RYR3: variants seen among roughly 807,000 people sequenced by gnomAD.
RYR3 encodes the protein ryanodine receptor 3.
A neutral mutation model predicts 584.3 loss-of-function variants in RYR3; 207 were observed. That is an observed-to-expected ratio of 0.35 (90% CI 0.32 to 0.40). RYR3 has a LOEUF of 0.40. Ranked by LOEUF, RYR3 falls within the 10% of genes least tolerant of loss-of-function variation. The probability of loss-of-function intolerance (pLI) is 1.00; values close to 1 mark genes in which losing one functional copy is unlikely to be tolerated. For synonymous variants in RYR3, 2,416 were observed against 2,248.5 expected (o/e 1.07, Z -2.11); for missense variants, 5,616 against 6,089.2 (o/e 0.92, Z 2.59).
rs2074976791 is a variant in RYR3 at position 33,789,627 on chromosome 15, TATATA to T, written c.9830+1170_9830+1174del. Among the ~76,000 whole-genome samples the T allele has an allele frequency of 3.5e-3, 32 of 9,248 alleles. 1 individual carries two copies. The highest frequency in any genetic ancestry group is 9.5e-3 in the African/African-American group (30 of 3,152). The allele number at this position is 9,248 out of a possible 152,430, so 6.1% of individuals were successfully genotyped here. Reference sequence around the variant, plus strand: ...ATGCATGTTACCAGGTTTTATTTTATATATATATATATATATATATATATATATAT... The same window carrying T: ...ATGCATGTTACCAGGTTTTATTTTATTATATATATATATATATATATATAT... On this transcript the variant is annotated intron_variant, in intron 67 of 103. Coordinates refer to ENST00000634891, the MANE Select transcript of RYR3 (RefSeq NM_001036.6).
chr15:33,748,097 C>G lies in RYR3; in HGVS notation c.7990-17C>G. 1 of 1,612,800 alleles carries G rather than the reference C, an allele frequency of 6.2e-7. No homozygotes were observed. The highest frequency in any genetic ancestry group is 8.5e-7 in the Non-Finnish European group (1 of 1,179,548). On this transcript the variant is annotated splice_polypyrimidine_tract_variant and intron_variant, in intron 53 of 103. Transcript: ENST00000634891. ...GGGTGTGTTCTGCAAAGTGCTTCTGCTCAAATTCTCTTCTAGGAGAAGGAA... is the reference window on the plus strand; with the variant it reads ...GGGTGTGTTCTGCAAAGTGCTTCTGGTCAAATTCTCTTCTAGGAGAAGGAA...
intron 63 of RYR3, 27 bp downstream of exon 63, chr15:33,772,185 A>G: frequency 6.8e-7 from 1 of 1,481,444 alleles, no homozygotes; most frequent in Non-Finnish European, 9.4e-7. Flanking sequence ...TTTGTCGTGG[A>G]TGTATGTGCA....
intron 13 of RYR3, among the ~76,000 whole-genome samples, chr15:33,581,220 C>A (rs1007048879): frequency 3.3e-5 from 5 of 152,154 alleles, no homozygotes; most frequent in African/African-American, 4.8e-5. Context: ...ATTCACCCTC[C>A]CTCTTCCTAA....
At chr15:33,812,731 T>G in intron 72 of RYR3, 132 bp from the exon 73 acceptor site, 5 of 787,722 alleles carry the variant, frequency 6.3e-6, no homozygotes, top group Non-Finnish European at 9.9e-6. Flanking sequence ...AGAAGATAAT[T>G]GAGAAAATGA....
chr15:33,632,882 T>C, intron 23 of RYR3, 67 bp from the exon 24 acceptor site: 1 of 1,421,008 alleles, frequency 7.0e-7, no homozygotes, highest in Non-Finnish European at 9.8e-7. Flanking sequence ...GTGCTCTTGG[T>C]CTAAAATCCG....
chr15:33,573,235 G>A (rs2058128572), intron 12 of RYR3, among the ~76,000 whole-genome samples: 1 of 152,106 alleles, frequency 6.6e-6, no homozygotes, highest in South Asian at 2.1e-4. Flanking sequence ...GAGGGGGTGT[G>A]GGCTGCAAAA....
At chr15:33,726,609 G>T in intron 46 of RYR3, 103 bp downstream of exon 46, 2 of 1,299,964 alleles carry the variant, frequency 1.5e-6, no homozygotes, top group Non-Finnish European at 2.1e-6. Context: ...CTGACTTGCA[G>T]GGCGGGCTGC....
chr15:33,569,738 A>C (rs969188181), intron 12 of RYR3, among the ~76,000 whole-genome samples: 4 of 152,090 alleles, frequency 2.6e-5, no homozygotes, highest in African/African-American at 9.7e-5. Flanking sequence ...GTTTTGTTAC[A>C]TCTTTTCCTA....
chr15:33,504,511 C>T (rs906797724), intron 3 of RYR3, among the ~76,000 whole-genome samples: 1 of 152,226 alleles, frequency 6.6e-6, no homozygotes, highest in African/African-American at 2.4e-5. Context: ...TTGGTTACGG[C>T]AACAGCCTAT....
At position 33,689,929 on chromosome 15, in the gene RYR3, C is replaced by G. The variant is rs539159577; in HGVS notation, c.5861-6289C>G. ...TTCTTGTAGAGTACTTAACCTTGGG[C>G]ATGTAACAGATACCCAGAAAATGCT... On this transcript the variant is annotated intron_variant, in intron 38 of 103. Coordinates refer to ENST00000634891, the MANE Select transcript of RYR3 (RefSeq NM_001036.6). Among the ~76,000 whole-genome samples the G allele has an allele frequency of 2.6e-5, 4 of 152,284 alleles. No individual in the cohort carries two copies. The South Asian group carries it at 8.3e-4, about 32-fold the overall frequency.
chr15:33,498,534 G>C (rs2051646352), intron 2 of RYR3, among the ~76,000 whole-genome samples: 1 of 151,946 alleles, frequency 6.6e-6, no homozygotes, highest in Non-Finnish European at 1.5e-5. Context: ...TTTTGGCGGG[G>C]TGGGGAGGGG....
intron 72 of RYR3, 93 bp downstream of exon 72, chr15:33,811,130 A>G (rs1343505093): frequency 2.9e-6 from 3 of 1,045,312 alleles, no homozygotes; most frequent in Non-Finnish European, 4.4e-6. Context: ...TGCTTCTTAT[A>G]TGTGTTCCAA....
chr15:33,696,359 G>T lies in RYR3; in HGVS notation c.6002G>T (p.Arg2001Leu). 1 of 1,613,282 alleles carries T rather than the reference G, an allele frequency of 6.2e-7. No homozygotes were observed. The highest frequency in any genetic ancestry group is 8.5e-7 in the Non-Finnish European group (1 of 1,179,726). The change falls in exon 39 of 104, where the codon CGG becomes CTG. Residue 2001 changes from arginine to leucine, a missense_variant. Around this residue, in one of 9 missense-constraint regions of RYR3, gnomAD observed 1,280 missense variants for 1,426.2 expected, o/e 0.90. Coordinates refer to ENST00000634891, the MANE Select transcript of RYR3 (RefSeq NM_001036.6). ...DSIGELLQAL[R>L]KTYTISHTSV... Reference sequence around the variant, plus strand: ...ATTGGGGAGCTGCTGCAGGCGCTGCGGAAGACCTACACCATCAGCCACACC... The same window carrying T: ...ATTGGGGAGCTGCTGCAGGCGCTGCTGAAGACCTACACCATCAGCCACACC...
intron 22 of RYR3, among the ~76,000 whole-genome samples, chr15:33,630,538 C>G (rs1244821142): frequency 1.3e-5 from 2 of 152,192 alleles, no homozygotes; most frequent in Non-Finnish European, 2.9e-5. Flanking sequence ...TTTCCCTGTT[C>G]TCTAGTTGTC....
chr15:33,511,930 C>A (rs939349377), intron 3 of RYR3, among the ~76,000 whole-genome samples: 3 of 152,194 alleles, frequency 2.0e-5, no homozygotes, highest in African/African-American at 7.2e-5. Context: ...AGGCGCCCGC[C>A]ACCACGCCCG....
chr15:33,779,586 C>G (rs1727769415), intron 64 of RYR3, among the ~76,000 whole-genome samples: 1 of 152,152 alleles, frequency 6.6e-6, no homozygotes, highest in African/African-American at 2.4e-5. Flanking sequence ...ACACAGATTT[C>G]AAAGCATTTT....
rs779704552 is a variant in RYR3, at chr15:33,800,868, A to G, written c.9918+11A>G. ...TGGTGTAAATCTCATGTAAGAACAC[A>G]TTTGGGCCCTGGGTTTAGAATGGTT... is the stretch of plus-strand genomic sequence containing the variant. On this transcript the variant is annotated intron_variant, in intron 68 of 103. Coordinates refer to ENST00000634891, the MANE Select transcript of RYR3 (RefSeq NM_001036.6). The G allele has an allele frequency of 6.3e-7, 1 of 1,587,782 alleles. No individual in the cohort carries two copies. Among genetic ancestry groups the G allele is most frequent in the Non-Finnish European group, 8.6e-7 (1 of 1,156,078 alleles).
intron 2 of RYR3, among the ~76,000 whole-genome samples, chr15:33,481,958 A>G (rs1454187100): frequency 3.3e-5 from 5 of 152,082 alleles, no homozygotes; most frequent in Admixed American, 3.3e-4. Flanking sequence ...TTGTTTCAAA[A>G]TGTCAATAGT....
chr15:33,830,861 G>T, intron 85 of RYR3, 102 bp from the exon 86 acceptor site: 1 of 1,234,354 alleles, frequency 8.1e-7, no homozygotes, highest in Non-Finnish European at 1.1e-6. Context: ...AGAGCAAAGA[G>T]GTCATAGAGA....
Sources: gnomAD v4.1 joint callset for allele counts (sites outside exome capture counted in the v4.1 genomes callset) on GRCh38, gnomAD v4.1.1 for gene constraint, gnomAD v4.1.1 regional missense constraint, MANE v1.5 for transcripts, NCBI Gene and HGNC (gene_info 2026-07-23, HGNC 2026-07-21) for gene names.